The following EXT1 variants were observed in gnomAD, a reference collection of about 807,000 sequenced individuals.
EXT1 encodes exostosin-1.
A neutral mutation model predicts 82.5 loss-of-function variants in EXT1; 20 were observed. That is an observed-to-expected ratio of 0.24 (90% CI 0.17 to 0.35). The LOEUF is 0.35. Among genes scored for constraint, EXT1 ranks in the 10% least tolerant of loss-of-function variants. EXT1 has a pLI of 1.00. For synonymous variants in EXT1, 348 were observed against 350.8 expected, an observed-to-expected ratio of 0.99 and a Z score of 0.09; for missense variants, 757 against 936.5, an observed-to-expected ratio of 0.81 and a Z score of 2.50.
intron 1 of EXT1, among the ~76,000 whole-genome samples, chr8:118,041,469 A>G (rs1205615845): frequency 1.3e-5 from 2 of 152,162 alleles, no homozygotes; most frequent in Non-Finnish European, 2.9e-5. Context: ...AGTAGGGATA[A>G]TAATAGTATC....
At chr8:117,912,228 A>C (rs1165702693) in intron 1 of EXT1, among the ~76,000 whole-genome samples, 3 of 152,182 alleles carry the variant, frequency 2.0e-5, no homozygotes, top group Admixed American at 1.3e-4. Flanking sequence ...GAGTATACTA[A>C]AGAATACTGC....
At chr8:117,843,045 C>T (rs1189299275) in intron 1 of EXT1, among the ~76,000 whole-genome samples, 1 of 152,086 alleles carries the variant, frequency 6.6e-6, no homozygotes, top group Non-Finnish European at 1.5e-5. Flanking sequence ...CCCTCCAGTC[C>T]CCATCCTCAT....
intron 1 of EXT1, among the ~76,000 whole-genome samples, chr8:118,106,646 C>T (rs1235234669): frequency 6.6e-6 from 1 of 152,250 alleles, no homozygotes; most frequent in African/African-American, 2.4e-5. Flanking sequence ...TCCTTTCCCT[C>T]TCTTTCTTCT....
chr8:117,814,620 A>C (rs1811766178), intron 7 of EXT1, among the ~76,000 whole-genome samples: 1 of 152,120 alleles, frequency 6.6e-6, no homozygotes, highest in African/African-American at 2.4e-5. Flanking sequence ...AGGACCTCAA[A>C]AGTGAATTTA....
chr8:118,036,072 CT>C (rs562751386), intron 1 of EXT1, among the ~76,000 whole-genome samples: 6,356 of 140,824 alleles, frequency 0.045, 289 homozygotes, highest in African/African-American at 0.12. Context: ...GTATCTCAGT[CT>C]TTTTTTTTTT....
chr8:117,968,164 G>A (rs1372647086), intron 1 of EXT1, among the ~76,000 whole-genome samples: 1 of 151,780 alleles, frequency 6.6e-6, no homozygotes, highest in Non-Finnish European at 1.5e-5. Context: ...GGAATGCAGG[G>A]GCATGATCAT....
intron 1 of EXT1, among the ~76,000 whole-genome samples, chr8:117,850,786 G>A (rs17474839): frequency 0.094 from 14,313 of 152,134 alleles, 931 homozygotes; most frequent in African/African-American, 0.18. Flanking sequence ...GTCAACCATT[G>A]GAGCATTTCA....
chr8:118,035,119 A>G (rs2129887525), intron 1 of EXT1, among the ~76,000 whole-genome samples: 1 of 152,346 alleles, frequency 6.6e-6, no homozygotes, highest in South Asian at 2.1e-4. Flanking sequence ...AGAAAATGGA[A>G]AAGGAATAGA....
rs2129701578 is a variant in EXT1, at chr8:117,807,317, G to A, written c.1783C>T (p.Arg595Cys). The change falls in exon 9 of 11, where the codon CGC becomes TGC. Residue 595 changes from arginine (R) to cysteine (C), a missense_variant. By Grantham distance (180) the Arg-to-Cys change is radical. This residue lies in a region of EXT1 where 128 missense variants were observed against 223.2 expected (regional missense o/e 0.57). Coordinates refer to ENST00000378204, the MANE Select transcript of EXT1 (RefSeq NM_000127.3). Reference protein sequence around the residue: ...FPERIVGYPARSHFWDNSKER... With the variant: ...FPERIVGYPACSHFWDNSKER... ...TTAGAGTTATCCCAGAAGTGGCTGCGCGCGGGGTACCCCACAATCCTCTCA... is the reference window on the plus strand; with the variant it reads ...TTAGAGTTATCCCAGAAGTGGCTGCACGCGGGGTACCCCACAATCCTCTCA... The A allele has an allele frequency of 1.2e-6, 2 of 1,614,112 alleles. No individual in the cohort carries two copies. The highest frequency in any genetic ancestry group is 2.2e-5 in the East Asian group (1 of 44,874).
intron 1 of EXT1, among the ~76,000 whole-genome samples, chr8:118,001,516 A>G (rs1361097772): frequency 6.6e-6 from 1 of 151,934 alleles, no homozygotes; most frequent in East Asian, 1.9e-4. Context: ...TTGAACATGC[A>G]GTATCTACTG....
At chr8:118,000,132 C>T (rs1181387392) in intron 1 of EXT1, among the ~76,000 whole-genome samples, 2 of 152,130 alleles carry the variant, frequency 1.3e-5, no homozygotes, top group Non-Finnish European at 2.9e-5. Flanking sequence ...AAATGTGATC[C>T]TGTTCCTCCT....
intron 1 of EXT1, among the ~76,000 whole-genome samples, chr8:117,876,299 G>C (rs946673263): frequency 3.3e-5 from 5 of 152,162 alleles, no homozygotes; most frequent in African/African-American, 1.2e-4. Context: ...GAGAAACAAG[G>C]AGTACTTGTG....
intron 1 of EXT1, among the ~76,000 whole-genome samples, chr8:117,868,237 T>C (rs1456708037): frequency 6.6e-6 from 1 of 152,214 alleles, no homozygotes; most frequent in Non-Finnish European, 1.5e-5. Flanking sequence ...AGATAATTGC[T>C]ATCCTCCTTT....
At chr8:117,985,375 G>A (rs1815296051) in intron 1 of EXT1, among the ~76,000 whole-genome samples, 1 of 152,170 alleles carries the variant, frequency 6.6e-6, no homozygotes, top group Admixed American at 6.5e-5. Context: ...CACCAATCCT[G>A]CCTGTTAATG....
chr8:117,952,281 T>C (rs1323520358), intron 1 of EXT1, among the ~76,000 whole-genome samples: 1 of 152,234 alleles, frequency 6.6e-6, no homozygotes, highest in African/African-American at 2.4e-5. Flanking sequence ...TACAATGTTA[T>C]CTGAATACAA....
chr8:117,998,793 C>A (rs1163214139), intron 1 of EXT1, among the ~76,000 whole-genome samples: 2 of 152,162 alleles, frequency 1.3e-5, no homozygotes, highest in Non-Finnish European at 2.9e-5. Context: ...AGAATGAGTC[C>A]ATTTTGGTAA....
intron 1 of EXT1, among the ~76,000 whole-genome samples, chr8:118,063,195 C>A (rs1415337549): frequency 1.3e-5 from 2 of 149,420 alleles, no homozygotes; most frequent in Admixed American, 6.6e-5. Flanking sequence ...AAGCAACTGG[C>A]AGTTATAGTA....
chr8:117,869,240 A>G (rs1320102748), intron 1 of EXT1, among the ~76,000 whole-genome samples: 1 of 152,206 alleles, frequency 6.6e-6, no homozygotes, highest in Non-Finnish European at 1.5e-5. Context: ...ATGAAAGAAA[A>G]CCAATGTGCC....
chr8:117,888,347 T>C (rs1282709766), intron 1 of EXT1, among the ~76,000 whole-genome samples: 3 of 152,122 alleles, frequency 2.0e-5, no homozygotes, highest in Non-Finnish European at 2.9e-5. Flanking sequence ...ATTACATTCA[T>C]ATAGATTCAT....
Sources: gnomAD v4.1 joint callset for allele counts (sites outside exome capture counted in the v4.1 genomes callset) on GRCh38, gnomAD v4.1.1 for gene constraint, gnomAD v4.1.1 regional missense constraint, MANE v1.5 for transcripts, NCBI Gene and HGNC (gene_info 2026-07-23, HGNC 2026-07-21) for gene names.